MTMR7: variants seen among roughly 807,000 people sequenced by gnomAD.
MTMR7 encodes the protein phosphatidylinositol-3-phosphate phosphatase MTMR7.
Under a neutral mutation model 81.2 loss-of-function variants are expected in MTMR7, and 76 were observed. That is an observed-to-expected ratio of 0.94 (90% confidence interval 0.78 to 1.13). The LOEUF (loss-of-function observed/expected upper bound fraction) is 1.13, where lower values mean the gene tolerates loss of function less well. Among genes scored for constraint, MTMR7 ranks in the 50% most tolerant of loss-of-function variants. The pLI, the probability that MTMR7 is intolerant of heterozygous loss-of-function variation, is 0.00. For missense variants in MTMR7, 1,044 were observed against 820.0 expected, an observed-to-expected ratio of 1.27 and a Z score of -3.34; for synonymous variants, 372 against 289.8, an observed-to-expected ratio of 1.28 and a Z score of -2.88.
At chr8:17,338,858 G>T (rs1436913262) in intron 6 of MTMR7, 1 of 151,948 alleles carries the variant, frequency 6.6e-6, no homozygotes, top group South Asian at 2.1e-4. Context: ...TTTCATCACT[G>T]ATCTCCAGGA....
intron 5 of MTMR7, 129 bp from the exon 6 acceptor site, chr8:17,341,626 T>TA: frequency 8.7e-7 from 1 of 1,143,968 alleles, no homozygotes; most frequent in Non-Finnish European, 1.2e-6. Flanking sequence ...GAAAACGTGA[T>TA]ACAGCTTTCT....
At chr8:17,325,805 G>A (rs756786167) in intron 7 of MTMR7, among the ~76,000 whole-genome samples, 6 of 152,152 alleles carry the variant, frequency 3.9e-5, no homozygotes, top group Non-Finnish European at 7.4e-5. Context: ...TTTGAATAAA[G>A]AAATTCAGCA....
chr8:17,411,566 T>TC (rs1821735347), intron 1 of MTMR7, among the ~76,000 whole-genome samples: 1 of 152,228 alleles, frequency 6.6e-6, no homozygotes, highest in African/African-American at 2.4e-5. Flanking sequence ...CTTATTTTTT[T>TC]CACCAGCTTT....
intron 1 of MTMR7, among the ~76,000 whole-genome samples, chr8:17,400,835 C>G (rs1821405127): frequency 6.6e-6 from 1 of 151,040 alleles, no homozygotes; most frequent in South Asian, 2.1e-4. Flanking sequence ...TTTAAGTTTT[C>G]CAAGTAAGAA....
chr8:17,371,479 A>C (rs1324264456), intron 2 of MTMR7, among the ~76,000 whole-genome samples: 1 of 152,252 alleles, frequency 6.6e-6, no homozygotes, highest in South Asian at 2.1e-4. Flanking sequence ...CAGGTATGGA[A>C]ACATTTTGGT....
intron 1 of MTMR7, among the ~76,000 whole-genome samples, chr8:17,395,955 G>A (rs1821233516): frequency 6.6e-6 from 1 of 152,094 alleles, no homozygotes; most frequent in Admixed American, 6.6e-5. Context: ...TGTATTTAGA[G>A]TCTATGACCT....
chr8:17,335,639 C>G lies in MTMR7; in HGVS notation c.733-4357G>C, dbSNP rs1357340438. Among the ~76,000 whole-genome samples, 7 of 152,326 alleles carry G rather than the reference C, an allele frequency of 4.6e-5. No homozygotes were observed. The East Asian group carries it at 1.4e-3, about 29-fold the overall frequency. ...CAGGTGGTCAAATGACGGTCTTTCT[C>G]TCTCCCTCCTATATAACTGGTTACA... On this transcript the variant is annotated intron_variant, in intron 6 of 13. Coordinates refer to ENST00000180173, the MANE Select transcript of MTMR7 (RefSeq NM_004686.5).
intron 2 of MTMR7, among the ~76,000 whole-genome samples, chr8:17,371,851 G>GTTTTTTTTTTTTTTTTTTTTTTTTTTTT: frequency 9.5e-6 from 1 of 104,816 alleles, no homozygotes; most frequent in Admixed American, 1.0e-4. Flanking sequence ...CTTACCTATA[G>GTTTTTTTTTTTTTTTTTTTTTTTTTTTT]TTTTTTTTTT....
intron 11 of MTMR7, 32 bp from the exon 12 acceptor site, chr8:17,304,551 C>G: frequency 1.9e-6 from 3 of 1,599,518 alleles, no homozygotes; most frequent in Non-Finnish European, 1.7e-6. Flanking sequence ...TATAAATGAC[C>G]TATTTTGGTG....
At chr8:17,407,901 C>T (rs902914512) in intron 1 of MTMR7, among the ~76,000 whole-genome samples, 12 of 152,150 alleles carry the variant, frequency 7.9e-5, no homozygotes, top group African/African-American at 2.9e-4. Context: ...CAAGAGAAGG[C>T]AAACCTCATG....
intron 8 of MTMR7, 123 bp from the exon 9 acceptor site, chr8:17,311,759 A>T: frequency 6.8e-7 from 1 of 1,473,180 alleles, no homozygotes; most frequent in Non-Finnish European, 9.2e-7. Flanking sequence ...ACACCTGTCC[A>T]TTCGTCTGTT....
chr8:17,322,596 G>C (rs1225381925), intron 7 of MTMR7, among the ~76,000 whole-genome samples: 1 of 152,192 alleles, frequency 6.6e-6, no homozygotes, highest in African/African-American at 2.4e-5. Flanking sequence ...AAGGCAGTAG[G>C]ATTGCTTGAG....
intron 5 of MTMR7, 109 bp downstream of exon 5, chr8:17,348,844 T>C (rs1211534851): frequency 5.2e-6 from 7 of 1,340,088 alleles, no homozygotes; most frequent in Admixed American, 1.8e-5. Flanking sequence ...ACATACCTTC[T>C]GAAGAATTCA....
At chr8:17,383,277 G>C (rs1820818888) in intron 1 of MTMR7, among the ~76,000 whole-genome samples, 1 of 152,180 alleles carries the variant, frequency 6.6e-6, no homozygotes, top group Non-Finnish European at 1.5e-5. Flanking sequence ...CAGCGTAACT[G>C]TGGTGCGTTC....
Position 17,302,233 on chromosome 8 carries a change from C to A in MTMR7, c.1541G>T (p.Arg514Leu). 6.2e-7 allele frequency: 1 copy of A among 1,614,066 alleles called. No individual in the cohort carries two copies. The highest frequency in any genetic ancestry group is 8.5e-7 in the Non-Finnish European group (1 of 1,179,972). ...YNRFEKGMQPRQSVTDYLMAV... is the reference protein window; with the variant it reads ...YNRFEKGMQPLQSVTDYLMAV... ...CATTAGGTAATCTGTAACTGACTGTCGGGGCTGCATCCCCTTTTCAAAGCG... is the reference window on the plus strand; with the variant it reads ...CATTAGGTAATCTGTAACTGACTGTAGGGGCTGCATCCCCTTTTCAAAGCG... Residue 514 changes from arginine to leucine, a missense_variant, in exon 13 of 14, where the codon CGA (arginine) becomes CTA (leucine). By Grantham distance (102) the Arg-to-Leu change is moderately radical (BLOSUM62 -2). Coordinates refer to ENST00000180173, the MANE Select transcript of MTMR7 (RefSeq NM_004686.5).
chr8:17,374,706 G>A (rs1187383930), intron 1 of MTMR7, among the ~76,000 whole-genome samples: 1 of 152,048 alleles, frequency 6.6e-6, no homozygotes, highest in South Asian at 2.1e-4. Flanking sequence ...CCAGCTACTC[G>A]GGAGGCTGAG....
chr8:17,368,629 A>T (rs989446800), intron 3 of MTMR7, among the ~76,000 whole-genome samples: 2 of 152,198 alleles, frequency 1.3e-5, no homozygotes, highest in African/African-American at 4.8e-5. Flanking sequence ...CTCCAGAGTC[A>T]AAGTCCTGCT....
At chr8:17,379,943 A>G (rs977278235) in intron 1 of MTMR7, among the ~76,000 whole-genome samples, 2 of 152,212 alleles carry the variant, frequency 1.3e-5, no homozygotes, top group Non-Finnish European at 2.9e-5. Flanking sequence ...ACAGTTGGCT[A>G]TATACCATAA....
At chr8:17,404,394 A>G (rs1374162467) in intron 1 of MTMR7, among the ~76,000 whole-genome samples, 2 of 152,192 alleles carry the variant, frequency 1.3e-5, no homozygotes, top group African/African-American at 2.4e-5. Flanking sequence ...AGTTTGGGAC[A>G]TAGTGAAATT....
Sources: gnomAD v4.1 joint callset for allele counts (sites outside exome capture counted in the v4.1 genomes callset) on GRCh38, gnomAD v4.1.1 for gene constraint, MANE v1.5 for transcripts, NCBI Gene and HGNC (gene_info 2026-07-23, HGNC 2026-07-21) for gene names.